The following IQSEC1 variants were observed in gnomAD, a reference collection of about 807,000 sequenced individuals.
IQSEC1 encodes the protein IQ motif and Sec7 domain ArfGEF 1, also known as IQ motif and SEC7 domain-containing protein 1.
A neutral mutation model predicts 91.0 loss-of-function variants in IQSEC1; 31 were observed. The ratio of observed to expected loss-of-function variants is 0.34; its 90% CI spans 0.26 to 0.46. IQSEC1 has a LOEUF of 0.46. Among genes scored for constraint, IQSEC1 ranks in the 20% least tolerant of loss-of-function variants. IQSEC1 has a pLI of 1.00. For missense variants in IQSEC1, 1,388 were observed against 1,575.6 expected, an observed-to-expected ratio of 0.88 and a Z score of 2.02; for synonymous variants, 699 against 662.6, an observed-to-expected ratio of 1.05 and a Z score of -0.84.
Position 12,987,676 on chromosome 3 carries a change from G to A in IQSEC1, c.24-45811C>T, listed in dbSNP as rs373549126. On this transcript the variant is annotated intron_variant, in intron 1 of 13. Transcript: ENST00000613206. ...AAAGGCAGGCAGGAGGGAGGGAGAA[G>A]AGGTCTACAATGTGGATAACTGACG... is the stretch of plus-strand genomic sequence containing the variant. 2.0e-5 allele frequency among the ~76,000 whole-genome samples: 3 copies of A among 152,196 alleles called. No individual in the cohort carries two copies. In the East Asian group the frequency reaches 5.8e-4, roughly 29 times the overall value.
chr3:13,100,208 G>A (rs1402599392), intron 2 of IQSEC1, among the ~76,000 whole-genome samples: 1 of 147,968 alleles, frequency 6.8e-6, no homozygotes, highest in Admixed American at 6.7e-5. Context: ...GAGTTGGGGG[G>A]TGTGGGGAGG....
intron 8 of IQSEC1, among the ~76,000 whole-genome samples, chr3:12,914,299 G>C (rs1695856989): frequency 6.6e-6 from 1 of 152,218 alleles, no homozygotes; most frequent in African/African-American, 2.4e-5. Context: ...TGAGCCATCA[G>C]GGCCTGGCTC....
intron 2 of IQSEC1, among the ~76,000 whole-genome samples, chr3:13,144,291 C>T (rs1369059040): frequency 1.3e-5 from 2 of 152,192 alleles, no homozygotes; most frequent in African/African-American, 4.8e-5. Flanking sequence ...GCTCTGGCTG[C>T]CTAGAAAGCC....
intron 3 of IQSEC1, among the ~76,000 whole-genome samples, chr3:12,930,962 C>G (rs1697618032): frequency 6.6e-6 from 1 of 152,180 alleles, no homozygotes; most frequent in Admixed American, 6.5e-5. Flanking sequence ...GTGCCACTTC[C>G]AGCCTTTCCC....
In IQSEC1 at chr3:12,901,199, G is replaced by A. The variant is rs1476999236; in HGVS notation, c.3129C>T (p.His1043=). Residue 1043 remains histidine, a synonymous_variant, in exon 14 of 14, where the codon CAC becomes CAT. Transcript: ENST00000613206. The part of the protein sequence containing the change: ...HMQNPPPYHH[H]HHHHPPQHIQ... The stretch of plus-strand genomic sequence containing the variant: ...TGTGCTGGGGTGGGTGGTGGTGGTG[G>A]TGATGGTGGTACGGGGGAGGGTTCT... The A allele has an allele frequency of 1.7e-5, 26 of 1,542,988 alleles. No individual in the cohort carries two copies. Among genetic ancestry groups the A allele is most frequent in the Non-Finnish European group, 2.3e-5 (26 of 1,142,380 alleles).
intron 2 of IQSEC1, among the ~76,000 whole-genome samples, chr3:13,142,994 C>G (rs890264741): frequency 2.0e-5 from 3 of 152,208 alleles, no homozygotes; most frequent in African/African-American, 7.2e-5. Context: ...TTGCAAATGT[C>G]ACCTCTTCAC....
At chr3:13,228,045 C>A (rs187769665) in intron 1 of IQSEC1, among the ~76,000 whole-genome samples, 3 of 152,216 alleles carry the variant, frequency 2.0e-5, no homozygotes, top group East Asian at 1.9e-4. Context: ...GCTGTCTATG[C>A]GCCTCCTGCT....
At chr3:13,010,872 G>A (rs1398842093) in intron 1 of IQSEC1, among the ~76,000 whole-genome samples, 1 of 152,034 alleles carries the variant, frequency 6.6e-6, no homozygotes, top group East Asian at 1.9e-4. Flanking sequence ...CAAGACTGCT[G>A]TTTCCCAAAC....
chr3:13,122,070 A>T (rs574291718), intron 2 of IQSEC1, among the ~76,000 whole-genome samples: 3 of 152,344 alleles, frequency 2.0e-5, no homozygotes, highest in Admixed American at 2.0e-4. Context: ...AGGAGGCAAT[A>T]ATAAGCCAAA....
chr3:13,197,253 T>G (rs78929278), intron 1 of IQSEC1, among the ~76,000 whole-genome samples: 2,624 of 152,262 alleles, frequency 0.017, 72 homozygotes, highest in African/African-American at 0.058. Context: ...CTGCACACAT[T>G]TTTTAAAAAT....
intron 1 of IQSEC1, among the ~76,000 whole-genome samples, chr3:12,982,003 C>G (rs1051848799): frequency 1.5e-4 from 23 of 152,242 alleles, no homozygotes; most frequent in Admixed American, 1.2e-3. Flanking sequence ...CAGATGGTTT[C>G]TGTGTGACCT....
chr3:13,194,437 G>T (rs115684224), intron 1 of IQSEC1, among the ~76,000 whole-genome samples: 1 of 152,074 alleles, frequency 6.6e-6, no homozygotes, highest in Non-Finnish European at 1.5e-5. Context: ...CTCAGGTGCC[G>T]GGAGTGCCTC....
intron 1 of IQSEC1, among the ~76,000 whole-genome samples, chr3:13,245,826 A>G (rs1348627476): frequency 6.6e-6 from 1 of 151,706 alleles, no homozygotes; most frequent in Non-Finnish European, 1.5e-5. Context: ...CCGTTTCGCA[A>G]TCACCCCACC....
rs576637309 is a variant in IQSEC1 at position 12,899,255 on chromosome 3, C to T, written c.*1728G>A. 51 of 974,096 alleles carry T rather than the reference C, an allele frequency of 5.2e-5. No homozygotes were observed. Among genetic ancestry groups the T allele is most frequent in the African/African-American group, 5.1e-4 (31 of 60,718 alleles). 60.3% of individuals were successfully genotyped at this position (974,096 alleles called of 1,614,324 possible). On this transcript the variant is annotated 3_prime_UTR_variant, in exon 14 of 14. Coordinates refer to ENST00000613206, the MANE Select transcript of IQSEC1 (RefSeq NM_001134382.3). ...AGAGGGGGCTCCCCTCTCCTCCTGCCGTCCGGCCACGGCTCACCACGCTGT... is the reference window on the plus strand; with the variant it reads ...AGAGGGGGCTCCCCTCTCCTCCTGCTGTCCGGCCACGGCTCACCACGCTGT...
At chr3:13,150,719 G>T (rs908839132) in intron 2 of IQSEC1, among the ~76,000 whole-genome samples, 4 of 152,284 alleles carry the variant, frequency 2.6e-5, no homozygotes, top group African/African-American at 9.6e-5. Flanking sequence ...GCTGAGTGTG[G>T]CTCTCACCCA....
intron 1 of IQSEC1, among the ~76,000 whole-genome samples, chr3:13,234,957 C>T (rs1437803486): frequency 1.3e-5 from 2 of 152,176 alleles, no homozygotes. Context: ...TGGGTGATTG[C>T]TGAGGCCCTG....
chr3:13,018,587 C>G (rs1703252097), intron 1 of IQSEC1, among the ~76,000 whole-genome samples: 1 of 152,236 alleles, frequency 6.6e-6, no homozygotes, highest in South Asian at 2.1e-4. Flanking sequence ...CAGAGCAAGG[C>G]CTTTGTCTGC....
At chr3:13,152,791 A>G (rs1392192569) in intron 2 of IQSEC1, among the ~76,000 whole-genome samples, 1 of 152,136 alleles carries the variant, frequency 6.6e-6, no homozygotes, top group Non-Finnish European at 1.5e-5. Context: ...AATCGCTTGA[A>G]CCTGGGAGGC....
At chr3:12,953,403 GAGGCCCGATAA>G (rs1699692100) in intron 1 of IQSEC1, among the ~76,000 whole-genome samples, 1 of 152,232 alleles carries the variant, frequency 6.6e-6, no homozygotes, top group Non-Finnish European at 1.5e-5. Flanking sequence ...CTGCCCTGCT[GAGGCCCGATAA>G]GGCCCGGCCC....
Sources: allele counts gnomAD v4.1 joint callset (sites outside exome capture counted in the v4.1 genomes callset), GRCh38; gene constraint gnomAD v4.1.1; transcripts MANE v1.5; gene names NCBI Gene and HGNC (gene_info 2026-07-23, HGNC 2026-07-21).